ROBO1: variants seen among roughly 807,000 people sequenced by gnomAD.
ROBO1 encodes roundabout homolog 1.
Under a neutral mutation model 195.9 loss-of-function variants are expected in ROBO1, and 149 were observed. The observed-to-expected ratio is 0.76, with a 90% CI of 0.67 to 0.87. ROBO1 has a LOEUF of 0.87. Among genes scored for constraint, ROBO1 ranks in the 40% least tolerant of loss-of-function variants. ROBO1 has a pLI of 0.00. For missense variants in ROBO1, 1,933 were observed against 2,068.3 expected, an observed-to-expected ratio of 0.93 and a Z score of 1.27; for synonymous variants, 816 against 733.2, an observed-to-expected ratio of 1.11 and a Z score of -1.82.
At chr3:79,502,298 CG>C (rs1940122127) in intron 2 of ROBO1, among the ~76,000 whole-genome samples, 1 of 152,110 alleles carries the variant, frequency 6.6e-6, no homozygotes, top group Admixed American at 6.5e-5. Flanking sequence ...GCGGCGCTTG[CG>C]GGCCAGCGCG....
At chr3:79,509,900 GTAA>G (rs1940611332) in intron 2 of ROBO1, among the ~76,000 whole-genome samples, 1 of 151,912 alleles carries the variant, frequency 6.6e-6, no homozygotes, top group African/African-American at 2.4e-5. Context: ...ACTTACCAGT[GTAA>G]TATTACTCTT....
intron 1 of ROBO1, among the ~76,000 whole-genome samples, chr3:79,619,026 C>T (rs181516598): frequency 6.6e-6 from 1 of 152,298 alleles, no homozygotes; most frequent in East Asian, 1.9e-4. Context: ...CATTCACCCA[C>T]ATTCCATTGG....
At chr3:79,112,932 T>C (rs993902287) in intron 3 of ROBO1, among the ~76,000 whole-genome samples, 1 of 151,606 alleles carries the variant, frequency 6.6e-6, no homozygotes, top group Non-Finnish European at 1.5e-5. Context: ...AAGTTTTAAA[T>C]AGAAAAAAAT....
At chr3:78,909,974 C>T (rs916850960) in intron 4 of ROBO1, among the ~76,000 whole-genome samples, 2 of 151,684 alleles carry the variant, frequency 1.3e-5, no homozygotes, top group Non-Finnish European at 1.5e-5. Flanking sequence ...TGAAATTATT[C>T]AACCCTGAAA....
At chr3:79,183,043 T>C (rs1228479758) in intron 2 of ROBO1, among the ~76,000 whole-genome samples, 2 of 142,762 alleles carry the variant, frequency 1.4e-5, no homozygotes, top group African/African-American at 5.5e-5. Context: ...ATCGCGCCGC[T>C]GCACTCTAGC....
At chr3:78,616,029 C>T (rs1704090725) in intron 27 of ROBO1, among the ~76,000 whole-genome samples, 1 of 152,080 alleles carries the variant, frequency 6.6e-6, no homozygotes, top group South Asian at 2.1e-4. Flanking sequence ...GAGACTATTA[C>T]AATTAAAGTT....
chr3:79,045,274 G>A (rs1471771525), intron 3 of ROBO1, among the ~76,000 whole-genome samples: 1 of 151,966 alleles, frequency 6.6e-6, no homozygotes, highest in Non-Finnish European at 1.5e-5. Flanking sequence ...TGATAATAAT[G>A]ATAAAAATGC....
At chr3:78,711,694 A>G (rs1381667715) in intron 8 of ROBO1, among the ~76,000 whole-genome samples, 1 of 150,368 alleles carries the variant, frequency 6.7e-6, no homozygotes, top group Non-Finnish European at 1.5e-5. Context: ...TCACCATGTT[A>G]GTCAGGCCGG....
intron 1 of ROBO1, among the ~76,000 whole-genome samples, chr3:79,719,533 A>G (rs1380104542): frequency 6.6e-6 from 1 of 152,174 alleles, no homozygotes; most frequent in Non-Finnish European, 1.5e-5. Flanking sequence ...ATGCTAAAAT[A>G]AAAGCATTAT....
chr3:78,691,289 C>G (rs2081169210), intron 8 of ROBO1, among the ~76,000 whole-genome samples: 1 of 151,826 alleles, frequency 6.6e-6, no homozygotes, highest in Non-Finnish European at 1.5e-5. Context: ...TTTTTGAAAG[C>G]TACAATTTTT....
chr3:78,742,178 C>G (rs2082548806), intron 5 of ROBO1, among the ~76,000 whole-genome samples: 1 of 152,052 alleles, frequency 6.6e-6, no homozygotes, highest in Non-Finnish European at 1.5e-5. Context: ...CTAGAAATTC[C>G]TATAACCAAA....
intron 2 of ROBO1, among the ~76,000 whole-genome samples, chr3:79,209,474 T>A (rs1284572039): frequency 6.6e-6 from 1 of 152,086 alleles, no homozygotes; most frequent in Non-Finnish European, 1.5e-5. Context: ...TTTTTTTTAT[T>A]TTTTTATATT....
At chr3:78,977,117 C>T (rs1389827608) in intron 3 of ROBO1, among the ~76,000 whole-genome samples, 1 of 152,142 alleles carries the variant, frequency 6.6e-6, no homozygotes, top group African/African-American at 2.4e-5. Context: ...ATAACTATGG[C>T]CATTTAAGCA....
intron 2 of ROBO1, among the ~76,000 whole-genome samples, chr3:79,265,814 T>C (rs2083030792): frequency 6.6e-6 from 1 of 151,490 alleles, no homozygotes; most frequent in African/African-American, 2.4e-5. Flanking sequence ...AAAAATACTT[T>C]GAGGTTATTT....
At chr3:79,610,807 G>A (rs746914981) in intron 1 of ROBO1, among the ~76,000 whole-genome samples, 24 of 152,036 alleles carry the variant, frequency 1.6e-4, no homozygotes, top group Non-Finnish European at 3.4e-4. Flanking sequence ...ATCCAAAGCA[G>A]TGTTAAATGA....
intron 3 of ROBO1, among the ~76,000 whole-genome samples, chr3:78,980,129 GTTATAA>G (rs1225394170): frequency 6.6e-6 from 1 of 152,090 alleles, no homozygotes; most frequent in Non-Finnish European, 1.5e-5. Context: ...TTAAATTAAT[GTTATAA>G]TTATATTTAA....
intron 4 of ROBO1, among the ~76,000 whole-genome samples, chr3:78,926,615 T>C (rs577934796): frequency 1.9e-4 from 29 of 152,252 alleles, no homozygotes; most frequent in Non-Finnish European, 3.5e-4. Context: ...GAGCTGCAGG[T>C]ACCACCAGGA....
chr3:78,664,891 G>A (rs1707642105), intron 14 of ROBO1, among the ~76,000 whole-genome samples: 1 of 152,122 alleles, frequency 6.6e-6, no homozygotes, highest in Non-Finnish European at 1.5e-5. Context: ...AAGGCTTCCA[G>A]CCTCAAATGA....
At chr3:79,474,717 A>C (rs1289793953) in intron 2 of ROBO1, among the ~76,000 whole-genome samples, 1 of 152,120 alleles carries the variant, frequency 6.6e-6, no homozygotes, top group East Asian at 1.9e-4. Flanking sequence ...AAGTTGGTGA[A>C]ACACCAACCT....
Sources: gnomAD v4.1 joint callset for allele counts (sites outside exome capture counted in the v4.1 genomes callset) on GRCh38, gnomAD v4.1.1 for gene constraint, MANE v1.5 for transcripts, NCBI Gene and HGNC (gene_info 2026-07-23, HGNC 2026-07-21) for gene names.